The following CAMTA1 variants were observed in gnomAD, a reference collection of about 807,000 sequenced individuals.
CAMTA1 encodes calmodulin binding transcription activator 1.
CAMTA1 carries 27 observed loss-of-function variants against 170.9 expected under a neutral mutation model. The ratio of observed to expected loss-of-function variants is 0.16; its 90% confidence interval spans 0.12 to 0.22. CAMTA1 has a LOEUF of 0.22. Among genes scored for constraint, CAMTA1 ranks in the 10% least tolerant of loss-of-function variants. The pLI is 1.00. For synonymous variants in CAMTA1, 833 were observed against 891.5 expected (o/e 0.93, Z 1.17); for missense variants, 1,619 against 2,217.2 (o/e 0.73, Z 5.42).
chr1:7,437,592 G>A (rs1274566375), intron 5 of CAMTA1, among the ~76,000 whole-genome samples: 1 of 152,200 alleles, frequency 6.6e-6, no homozygotes, highest in Non-Finnish European at 1.5e-5. Flanking sequence ...TGAGGTCCTG[G>A]GGGCTAGGAC....
chr1:7,406,400 C>T (rs1208485817), intron 5 of CAMTA1, among the ~76,000 whole-genome samples: 2 of 152,214 alleles, frequency 1.3e-5, no homozygotes, highest in African/African-American at 4.8e-5. Context: ...AGCCACTATG[C>T]AGGGCAGTCC....
chr1:7,180,299 A>G (rs188610066), intron 4 of CAMTA1, among the ~76,000 whole-genome samples: 1 of 152,110 alleles, frequency 6.6e-6, no homozygotes, highest in African/African-American at 2.4e-5. Flanking sequence ...CTCGGGAGGC[A>G]GTGAGCTGAG....
intron 5 of CAMTA1, among the ~76,000 whole-genome samples, chr1:7,269,041 A>G (rs1352065568): frequency 6.6e-6 from 1 of 152,228 alleles, no homozygotes; most frequent in Non-Finnish European, 1.5e-5. Flanking sequence ...TGTAACAAAT[A>G]ACCACAAATG....
chr1:7,413,154 T>C (rs1418911416), intron 5 of CAMTA1, among the ~76,000 whole-genome samples: 2 of 152,138 alleles, frequency 1.3e-5, no homozygotes, highest in Admixed American at 6.5e-5. Flanking sequence ...TTTTGGTTAC[T>C]GTAGCCTTGT....
chr1:6,931,216 G>A (rs1684357757), intron 3 of CAMTA1, among the ~76,000 whole-genome samples: 1 of 152,196 alleles, frequency 6.6e-6, no homozygotes, highest in Non-Finnish European at 1.5e-5. Flanking sequence ...GTGGGTGTGG[G>A]TAAGTAAATG....
rs138223402 is a variant in CAMTA1 at position 7,214,557 on chromosome 1, A to G, written c.303-34934A>G. ...AATTTTTTGTGTTTTTAGTAGAGAC[A>G]GGGTTTCACCACGTTAGCCGGGATG... On this transcript the variant is annotated intron_variant, in intron 4 of 22. Coordinates refer to ENST00000303635, the MANE Select transcript of CAMTA1 (RefSeq NM_015215.4). Among the ~76,000 whole-genome samples the G allele has an allele frequency of 3.0e-3, 456 of 152,114 alleles. 13 individuals are homozygous for G. The East Asian group carries it at 0.067, about 22-fold the overall frequency.
chr1:7,153,741 C>T (rs534707988), intron 4 of CAMTA1, among the ~76,000 whole-genome samples: 35 of 152,254 alleles, frequency 2.3e-4, no homozygotes, highest in African/African-American at 8.4e-4. Flanking sequence ...GACATGAGGG[C>T]CACTGCAAGT....
chr1:7,117,451 G>A (rs746527452), intron 4 of CAMTA1, among the ~76,000 whole-genome samples: 11 of 152,192 alleles, frequency 7.2e-5, no homozygotes, highest in African/African-American at 2.2e-4. Flanking sequence ...CCTGTGGCCC[G>A]TGTGCTGGTG....
intron 4 of CAMTA1, among the ~76,000 whole-genome samples, chr1:7,143,553 C>T (rs973827037): frequency 3.9e-5 from 6 of 152,122 alleles, no homozygotes; most frequent in African/African-American, 7.2e-5. Context: ...GATCTCCTTC[C>T]GCCAGGAGCT....
chr1:7,436,961 G>A (rs1158237715), intron 5 of CAMTA1, among the ~76,000 whole-genome samples: 5 of 152,130 alleles, frequency 3.3e-5, no homozygotes, highest in African/African-American at 9.7e-5. Flanking sequence ...ACGTTGGGGG[G>A]AATGGCAGGG....
Position 7,738,669 on chromosome 1 carries a change from C to T in CAMTA1, c.4182+187C>T, listed in dbSNP as rs138969038. Among the ~76,000 whole-genome samples, 14 of 152,186 alleles carry T rather than the reference C, an allele frequency of 9.2e-5. No homozygotes were observed. The highest frequency in any genetic ancestry group is 1.4e-4 in the African/African-American group (6 of 41,524). ...CATTTTCATTCGGTGAATCGGGCAC[C>T]GGGAGTAGGGCCTGAATACCAGTGA... On this transcript the variant is annotated intron_variant, in intron 16 of 22. Coordinates refer to ENST00000303635, the MANE Select transcript of CAMTA1 (RefSeq NM_015215.4). This position sits in a 1 kb window ranked among gnomAD's most constrained non-coding sequence, Gnocchi z 4.9.
intron 5 of CAMTA1, among the ~76,000 whole-genome samples, chr1:7,323,487 A>G (rs1443295124): frequency 7.6e-6 from 1 of 131,216 alleles, no homozygotes; most frequent in East Asian, 2.4e-4. Flanking sequence ...GCCTGGGATG[A>G]TTCTATTTCC....
chr1:7,521,243 T>A (rs1015874775), intron 6 of CAMTA1, among the ~76,000 whole-genome samples: 1 of 152,224 alleles, frequency 6.6e-6, no homozygotes, highest in African/African-American at 2.4e-5. Context: ...AATTAAAAGA[T>A]GATACCCCAT....
intron 4 of CAMTA1, among the ~76,000 whole-genome samples, chr1:7,141,803 A>T (rs575818053): frequency 2.0e-5 from 3 of 152,328 alleles, no homozygotes; most frequent in East Asian, 3.9e-4. Flanking sequence ...TGGCAGAAGG[A>T]TGAGAGACAG....
intron 5 of CAMTA1, among the ~76,000 whole-genome samples, chr1:7,330,638 T>A (rs1282508355): frequency 6.6e-6 from 1 of 152,184 alleles, no homozygotes; most frequent in South Asian, 2.1e-4. Context: ...GAATTCTAGA[T>A]AAAGACATTA....
chr1:7,342,732 G>C (rs705679), intron 5 of CAMTA1, among the ~76,000 whole-genome samples: 108,872 of 152,166 alleles, frequency 0.72, 39,377 homozygotes, highest in East Asian at 0.82. Flanking sequence ...AGAGACCCAG[G>C]AGGTCATTGG....
At chr1:7,058,676 G>A (rs1259328600) in intron 3 of CAMTA1, among the ~76,000 whole-genome samples, 1 of 152,182 alleles carries the variant, frequency 6.6e-6, no homozygotes, top group African/African-American at 2.4e-5. Context: ...CAGAGGTGAC[G>A]TCTGGATGGG....
chr1:7,101,348 T>C (rs1642685515), intron 4 of CAMTA1, among the ~76,000 whole-genome samples: 1 of 152,144 alleles, frequency 6.6e-6, no homozygotes, highest in Non-Finnish European at 1.5e-5. Context: ...CATTATGAGA[T>C]AGGAAGGCGA....
intron 6 of CAMTA1, among the ~76,000 whole-genome samples, chr1:7,628,144 C>G (rs2095645855): frequency 6.6e-6 from 1 of 152,318 alleles, no homozygotes; most frequent in East Asian, 1.9e-4. Context: ...GTCTTCTCCC[C>G]TCAGCCCTGC....
Sources: allele counts gnomAD v4.1 joint callset (sites outside exome capture counted in the v4.1 genomes callset), GRCh38; gene constraint gnomAD v4.1.1; non-coding constraint Gnocchi (gnomAD v3.1); transcripts MANE v1.5; gene names NCBI Gene and HGNC (gene_info 2026-07-23, HGNC 2026-07-21).